FRYL: variants seen among roughly 807,000 people sequenced by gnomAD.
FRYL encodes FRY like transcription coactivator.
FRYL carries 150 observed loss-of-function variants against 351.2 expected under a neutral mutation model. The observed-to-expected ratio is 0.43, with a 90% CI of 0.37 to 0.49. The LOEUF (loss-of-function observed/expected upper bound fraction) is 0.49, where lower values mean the gene tolerates loss of function less well. Among genes scored for constraint, FRYL ranks in the 20% least tolerant of loss-of-function variants. The probability of loss-of-function intolerance (pLI) is 0.00; values close to 1 mark genes in which losing one functional copy is unlikely to be tolerated. For synonymous variants in FRYL, 1,153 were observed against 1,257.1 expected, an observed-to-expected ratio of 0.92 and a Z score of 1.75; for missense variants, 3,036 against 3,619.3, an observed-to-expected ratio of 0.84 and a Z score of 4.13.
rs57943729 is a variant in FRYL, at chr4:48,594,019, T to TA, written c.1249-4dup. 0.06 allele frequency: 65,346 copies of TA among 1,096,132 alleles called. 4 individuals carry two copies. Among genetic ancestry groups the TA allele is most frequent in the Non-Finnish European group, 0.064 (51,925 of 817,560 alleles). The allele number at this position is 1,096,132 out of a possible 1,614,324, so 67.9% of individuals were successfully genotyped here. A position where few individuals can be genotyped will look rare whatever the true frequency, so the allele number is the denominator to read the frequency against. ...TTCATTGCAAAATCCAAGCGTTCCT[T>TA]AAAAAAAAAAAAATCCTTATAACTT... On this transcript the variant is annotated splice_polypyrimidine_tract_variant and splice_region_variant and intron_variant, in intron 15 of 63. Coordinates refer to ENST00000358350, the MANE Select transcript of FRYL (RefSeq NM_015030.2).
At chr4:48,516,609 GAGCCTATAAC>G (rs1403597034) in intron 55 of FRYL, among the ~76,000 whole-genome samples, 19 of 152,240 alleles carry the variant, frequency 1.2e-4, no homozygotes, top group Admixed American at 1.2e-3. Context: ...GAGAAAGTCA[GAGCCTATAAC>G]CCTAGACTAG....
chr4:48,715,966 T>C (rs1768772832), intron 1 of FRYL, among the ~76,000 whole-genome samples: 1 of 151,136 alleles, frequency 6.6e-6, no homozygotes, highest in African/African-American at 2.4e-5. Flanking sequence ...TCAGAAATAA[T>C]GCCGCATATC....
intron 3 of FRYL, among the ~76,000 whole-genome samples, chr4:48,682,879 A>G (rs142315431): frequency 2.5e-3 from 384 of 152,314 alleles, no homozygotes; most frequent in African/African-American, 8.9e-3. Context: ...AAGGATCTAG[A>G]CCTAGAAATA....
Position 48,739,558 on chromosome 4 carries a change from C to CA in FRYL, c.-383-28861dup, listed in dbSNP as rs370039890. ...ATCTAAACAGACCTTAAACTCACCA[C>CA]AAAAAAAAAACTCAAAATGAATCAC... On this transcript the variant is annotated intron_variant, in intron 1 of 63. Transcript: ENST00000358350. 5.9e-3 allele frequency among the ~76,000 whole-genome samples: 870 copies of CA among 147,128 alleles called. 5 individuals carry two copies. Among genetic ancestry groups the CA allele is most frequent in the Middle Eastern group, 0.014 (4 of 282 alleles).
At chr4:48,510,705 A>T in intron 58 of FRYL, 130 bp downstream of exon 58, 2 of 745,824 alleles carry the variant, frequency 2.7e-6, no homozygotes, top group Non-Finnish European at 4.6e-6. Flanking sequence ...GTAGTTTGCC[A>T]CATATTTATA....
At chr4:48,650,734 A>G (rs1757447259) in intron 3 of FRYL, among the ~76,000 whole-genome samples, 1 of 152,210 alleles carries the variant, frequency 6.6e-6, no homozygotes, top group Non-Finnish European at 1.5e-5. Context: ...AGGGAGGGAC[A>G]TGAAGAGCCA....
chr4:48,779,519 C>CCCGCCGGGG (rs1560391546), intron 1 of FRYL, among the ~76,000 whole-genome samples: 4 of 151,624 alleles, frequency 2.6e-5, no homozygotes, highest in African/African-American at 4.8e-5. Context: ...CTCCGCCGGT[C>CCCGCCGGGG]CCCGCCAGCC....
chr4:48,623,498 G>T (rs555050821), intron 4 of FRYL, among the ~76,000 whole-genome samples: 1 of 152,184 alleles, frequency 6.6e-6, no homozygotes. Flanking sequence ...CATAGGTTTT[G>T]TTTAGATTCA....
At chr4:48,717,872 A>G (rs1769043145) in intron 1 of FRYL, among the ~76,000 whole-genome samples, 1 of 151,584 alleles carries the variant, frequency 6.6e-6, no homozygotes, top group East Asian at 1.9e-4. Context: ...GGTGACTTGC[A>G]CGGCATGTGA....
rs10657991 is a variant in FRYL, at chr4:48,612,497, C to CGTGTGTGTGT, written c.412-2684_412-2675dup. On this transcript the variant is annotated intron_variant, in intron 7 of 63. Coordinates refer to ENST00000358350, the MANE Select transcript of FRYL (RefSeq NM_015030.2). Reference sequence around the variant, plus strand: ...TGAAAATACTAAGACTGTGTGTGCACGTGTGTGTGTGTGTGTGTGTGTGTG... The same window carrying CGTGTGTGTGT: ...TGAAAATACTAAGACTGTGTGTGCACGTGTGTGTGTGTGTGTGTGTGTGTGTGTGTGTGTG... Among the ~76,000 whole-genome samples, 382 of 150,074 alleles carry CGTGTGTGTGT rather than the reference C, an allele frequency of 2.5e-3. 2 individuals are homozygous for CGTGTGTGTGT. The highest frequency in any genetic ancestry group is 3.4e-3 in the Middle Eastern group (1 of 292).
intron 7 of FRYL, chr4:48,618,189 AC>A (rs917753899): frequency 4.3e-4 from 65 of 152,270 alleles, no homozygotes; most frequent in African/African-American, 1.5e-3. Context: ...CTACCAAAAA[AC>A]GTTTATGAAA....
intron 7 of FRYL, among the ~76,000 whole-genome samples, chr4:48,617,306 A>AGTGAAT (rs1376773273): frequency 6.6e-6 from 1 of 151,696 alleles, no homozygotes; most frequent in Non-Finnish European, 1.5e-5. Context: ...TGTGCAGTGC[A>AGTGAAT]GTGAATGTGA....
At chr4:48,710,404 G>C in intron 2 of FRYL, 115 bp downstream of exon 2, 1 of 367,618 alleles carries the variant, frequency 2.7e-6, no homozygotes, top group East Asian at 3.8e-5. Context: ...TGAAAAATCT[G>C]ATGTTTTTGC....
At chr4:48,654,890 G>A (rs1471977407) in intron 3 of FRYL, among the ~76,000 whole-genome samples, 1 of 152,084 alleles carries the variant, frequency 6.6e-6, no homozygotes, top group African/African-American at 2.4e-5. Flanking sequence ...AAAATGTCTT[G>A]GCCTCATATT....
intron 1 of FRYL, among the ~76,000 whole-genome samples, chr4:48,726,385 A>C (rs756635669): frequency 6.6e-6 from 1 of 152,176 alleles, no homozygotes; most frequent in South Asian, 2.1e-4. Context: ...GTGACCTATA[A>C]ATTTCCACAG....
At chr4:48,639,012 G>C (rs1204546093) in intron 3 of FRYL, among the ~76,000 whole-genome samples, 1 of 151,996 alleles carries the variant, frequency 6.6e-6, no homozygotes, top group South Asian at 2.1e-4. Flanking sequence ...TGTAGATGAC[G>C]GGTTGATGGG....
At chr4:48,688,629 T>C (rs1014056172) in intron 2 of FRYL, among the ~76,000 whole-genome samples, 13 of 150,362 alleles carry the variant, frequency 8.6e-5, no homozygotes, top group Admixed American at 6.0e-4. Flanking sequence ...TTTTTAAAAA[T>C]GAACTTGCAT....
chr4:48,562,951 T>A lies in FRYL; in HGVS notation c.3634A>T (p.Ile1212Leu). 3 of 1,609,670 alleles carry A rather than the reference T, an allele frequency of 1.9e-6. No individual in the cohort carries two copies. Among genetic ancestry groups the A allele is most frequent in the African/African-American group, 2.7e-5 (2 of 74,916 alleles). The change falls in exon 32 of 64, where the codon ATA becomes TTA. Residue 1212 changes from isoleucine to leucine, a missense_variant. Ile to Leu is a conservative substitution (Grantham distance 5, BLOSUM62 2). This residue lies in a region of FRYL where 1,987 missense variants were observed against 2,311.7 expected (regional missense o/e 0.86). Coordinates refer to ENST00000358350, the MANE Select transcript of FRYL (RefSeq NM_015030.2). ...GAAGAATCAGCTGCTTTAAACAGTA[T>A]CAGATTTAGAAGCATCACTGTGTCA... is the stretch of plus-strand genomic sequence containing the variant. ...QCDTVMLLNL[I>L]LFKAADSSRS...
chr4:48,577,057 T>C (rs1739787407), intron 23 of FRYL, among the ~76,000 whole-genome samples: 1 of 152,222 alleles, frequency 6.6e-6, no homozygotes, highest in Non-Finnish European at 1.5e-5. Context: ...TCATATTTTA[T>C]ATAACCAAAG....
Sources: allele counts gnomAD v4.1 joint callset (sites outside exome capture counted in the v4.1 genomes callset), GRCh38; gene constraint gnomAD v4.1.1; regional missense constraint gnomAD v4.1.1; transcripts MANE v1.5; gene names NCBI Gene and HGNC (gene_info 2026-07-23, HGNC 2026-07-21).